NXPE2: variants seen among roughly 807,000 people sequenced by gnomAD.
The protein encoded by NXPE2 is neurexophilin and PC-esterase domain family member 2.
A neutral mutation model predicts 34.4 loss-of-function variants in NXPE2; 34 were observed. The observed-to-expected ratio is 0.99, with a 90% CI of 0.75 to 1.31. The LOEUF is 1.31. Ranked by LOEUF, NXPE2 falls within the 40% of genes most tolerant of loss-of-function variation. The pLI, the probability that NXPE2 is intolerant of heterozygous loss-of-function variation, is 0.00. For missense variants in NXPE2, 649 were observed against 672.5 expected, an observed-to-expected ratio of 0.97 and a Z score of 0.39; for synonymous variants, 235 against 231.3, an observed-to-expected ratio of 1.02 and a Z score of -0.15.
chr11:114,800,466 T>C, the NXPE2 span, among the ~76,000 whole-genome samples: 70 of 152,366 alleles, frequency 4.6e-4, no homozygotes, highest in African/African-American at 1.7e-3. Flanking sequence ...AAACTGATTT[T>C]TTTTGCTTTT....
At chr11:114,526,179 G>T in the NXPE2 span, among the ~76,000 whole-genome samples, 1 of 152,202 alleles carries the variant, frequency 6.6e-6, no homozygotes, top group Admixed American at 6.5e-5. Context: ...CAAAGGAACA[G>T]ATTCTCCCCT....
At chr11:114,622,853 G>A in the NXPE2 span, among the ~76,000 whole-genome samples, 1 of 151,660 alleles carries the variant, frequency 6.6e-6, no homozygotes, top group Non-Finnish European at 1.5e-5. Context: ...ATTGCTTCAT[G>A]GGATACCACT....
chr11:114,777,645 G>T, the NXPE2 span, among the ~76,000 whole-genome samples: 1 of 152,068 alleles, frequency 6.6e-6, no homozygotes, highest in Admixed American at 6.5e-5. Flanking sequence ...CCAACTATTC[G>T]AGATCCATTT....
the NXPE2 span, among the ~76,000 whole-genome samples, chr11:114,812,914 TA>T: frequency 0.11 from 17,237 of 152,094 alleles, 1,119 homozygotes; most frequent in African/African-American, 0.17. Context: ...ATCTGAAAGG[TA>T]AATCATCGGA....
the NXPE2 span, among the ~76,000 whole-genome samples, chr11:114,657,049 G>C: frequency 0.098 from 14,969 of 152,176 alleles, 928 homozygotes; most frequent in African/African-American, 0.17. Context: ...AGCTGAGATT[G>C]CGCCACTGCA....
chr11:114,771,531 T>G, the NXPE2 span, among the ~76,000 whole-genome samples: 1 of 151,956 alleles, frequency 6.6e-6, no homozygotes, highest in Non-Finnish European at 1.5e-5. Context: ...GACAGAATGG[T>G]TTGGACACAG....
chr11:114,679,903 A>G (rs1374149999), intron 2 of NXPE2, 141 bp downstream of exon 2: 1 of 562,910 alleles, frequency 1.8e-6, no homozygotes, highest in South Asian at 2.5e-5. Flanking sequence ...ACTGTTCAGC[A>G]TAAATCCCTT....
chr11:114,639,574 G>C, the NXPE2 span, among the ~76,000 whole-genome samples: 1 of 150,370 alleles, frequency 6.7e-6, no homozygotes, highest in African/African-American at 2.4e-5. Context: ...CAGGCCGGGA[G>C]CTGTAGACTG....
At chr11:114,475,850 G>A in the NXPE2 span, among the ~76,000 whole-genome samples, 2 of 152,252 alleles carry the variant, frequency 1.3e-5, no homozygotes, top group Non-Finnish European at 1.5e-5. Context: ...TTATTACCGG[G>A]AGAGAAGGAG....
At chr11:114,615,866 C>G in the NXPE2 span, among the ~76,000 whole-genome samples, 21 of 151,706 alleles carry the variant, frequency 1.4e-4, no homozygotes, top group Non-Finnish European at 2.4e-4. Context: ...TGTGTAAGCA[C>G]TGTGACCTGG....
chr11:114,669,858 A>G, the NXPE2 span, among the ~76,000 whole-genome samples: 1 of 152,118 alleles, frequency 6.6e-6, no homozygotes, highest in Non-Finnish European at 1.5e-5. Flanking sequence ...TTATTGGAAC[A>G]CTAAGCATGT....
the NXPE2 span, chr11:114,521,576 T>C: frequency 0.22 from 35,788 of 162,116 alleles, 5,657 homozygotes; most frequent in African/African-American, 0.45. Context: ...ACATCACAGT[T>C]AGGGTGCTCG....
At chr11:114,554,664 A>G in the NXPE2 span, among the ~76,000 whole-genome samples, 7 of 152,246 alleles carry the variant, frequency 4.6e-5, no homozygotes, top group African/African-American at 1.7e-4. Context: ...TATGAGTGAT[A>G]TTTCAAGATT....
At chr11:114,779,800 C>T in the NXPE2 span, among the ~76,000 whole-genome samples, 2 of 152,102 alleles carry the variant, frequency 1.3e-5, no homozygotes, top group South Asian at 2.1e-4. Context: ...ACTTTTCACA[C>T]GCCGGTGATT....
chr11:114,706,933 G>T lies in NXPE2; in HGVS notation c.*3G>T. Reference sequence around the variant, plus strand: ...TGTTCTTAAACTACATTTGTTAGAGGAAAAATACAAAAATAGCACTAGCCA... The same window carrying T: ...TGTTCTTAAACTACATTTGTTAGAGTAAAAATACAAAAATAGCACTAGCCA... On this transcript the variant is annotated 3_prime_UTR_variant, in exon 6 of 6. Transcript: ENST00000389586. The T allele has an allele frequency of 6.5e-7, 1 of 1,534,462 alleles. No individual in the cohort carries two copies. Among genetic ancestry groups the T allele is most frequent in the South Asian group, 1.2e-5 (1 of 82,328 alleles).
the NXPE2 span, among the ~76,000 whole-genome samples, chr11:114,738,988 A>G: frequency 6.6e-6 from 1 of 152,238 alleles, no homozygotes; most frequent in Non-Finnish European, 1.5e-5. Flanking sequence ...CTACTGACAC[A>G]AGAATGACAA....
the NXPE2 span, among the ~76,000 whole-genome samples, chr11:114,639,752 ATAT>A: frequency 1.8e-4 from 23 of 129,872 alleles, no homozygotes; most frequent in African/African-American, 5.9e-4. Flanking sequence ...TATATAATAT[ATAT>A]TATATTAAAT....
the NXPE2 span, among the ~76,000 whole-genome samples, chr11:114,661,809 C>T: frequency 2.6e-5 from 4 of 152,204 alleles, no homozygotes; most frequent in East Asian, 3.9e-4. Context: ...AGTATGGTGT[C>T]AGTGAAAAGA....
upstream of NXPE2, among the ~76,000 whole-genome samples, chr11:114,673,552 C>A (rs1950824169): frequency 6.6e-6 from 1 of 151,226 alleles, no homozygotes; most frequent in South Asian, 2.1e-4. Context: ...TTCAAAAGAC[C>A]AATAAAATTG....
Sources: allele counts gnomAD v4.1 joint callset (sites outside exome capture counted in the v4.1 genomes callset), GRCh38; gene constraint gnomAD v4.1.1; transcripts MANE v1.5; gene names NCBI Gene and HGNC (gene_info 2026-07-23, HGNC 2026-07-21).